PNPLA3: variants seen among roughly 807,000 people sequenced by gnomAD.
PNPLA3 encodes 1-acylglycerol-3-phosphate O-acyltransferase PNPLA3.
In PNPLA3, 42 loss-of-function variants were observed where a neutral mutation model predicts 43.1. The observed-to-expected ratio is 0.97, with a 90% confidence interval of 0.76 to 1.26. The LOEUF is 1.26. Ranked by LOEUF, PNPLA3 falls within the 50% of genes most tolerant of loss-of-function variation. The pLI is 0.00. For synonymous variants in PNPLA3, 272 were observed against 253.6 expected (o/e 1.07, Z -0.69); for missense variants, 647 against 621.4 (o/e 1.04, Z -0.44).
In PNPLA3 at chr22:43,934,619, T is replaced by C; in HGVS notation, c.710T>C (p.Ile237Thr). 6.2e-7 allele frequency: 1 copy of C among 1,613,906 alleles called. No individual in the cohort carries two copies. Among genetic ancestry groups the C allele is most frequent in the Non-Finnish European group, 8.5e-7 (1 of 1,179,796 alleles). ...VPPDLKVLGEICLRGYLDAFR... is the reference protein window; with the variant it reads ...VPPDLKVLGETCLRGYLDAFR... ...CTTTGCTCACAGGTGCTGGGAGAGA[T>C]ATGCCTTCGAGGATATTTGGATGCA... Residue 237 changes from isoleucine (I) to threonine (T), a missense_variant, in exon 5 of 9, where the codon ATA becomes ACA. Ile to Thr is a moderately conservative substitution (Grantham distance 89, BLOSUM62 -1). Coordinates refer to ENST00000216180, the MANE Select transcript of PNPLA3 (RefSeq NM_025225.3).
chr22:43,941,983 T>C (rs1403600664), intron 7 of PNPLA3, among the ~76,000 whole-genome samples: 1 of 152,198 alleles, frequency 6.6e-6, no homozygotes, highest in Non-Finnish European at 1.5e-5. Context: ...GATGTGGCCC[T>C]GGACTTGGCA....
Position 43,925,114 on chromosome 22 carries a change from C to T in PNPLA3, c.187+1016C>T, listed in dbSNP as rs769470120. Among the ~76,000 whole-genome samples, 56 of 151,986 alleles carry T rather than the reference C, an allele frequency of 3.7e-4. 1 individual carries two copies. The highest frequency in any genetic ancestry group is 6.5e-4 in the Admixed American group (10 of 15,270). ...CTCCTCCTCCTCCAGTGTTTGGGAC[C>T]CTTCCTGGGGGCTGGAGTGCATCCC... On this transcript the variant is annotated intron_variant, in intron 1 of 8. Coordinates refer to ENST00000216180, the MANE Select transcript of PNPLA3 (RefSeq NM_025225.3).
intron 3 of PNPLA3, 46 bp downstream of exon 3, chr22:43,928,935 A>G: frequency 1.3e-6 from 2 of 1,543,316 alleles, no homozygotes; most frequent in African/African-American, 2.7e-5. Context: ...GGGCCTCTGA[A>G]GTGTGCTCAC....
At chr22:43,928,158 T>C in intron 2 of PNPLA3, among the ~76,000 whole-genome samples, 1 of 152,230 alleles carries the variant, frequency 6.6e-6, no homozygotes, top group East Asian at 1.9e-4. Flanking sequence ...TTGACAGATC[T>C]GTGCAAGACA....
intron 1 of PNPLA3, 66 bp from the exon 2 acceptor site, chr22:43,926,869 G>A (rs927532458): frequency 1.7e-5 from 24 of 1,408,312 alleles, no homozygotes; most frequent in Non-Finnish European, 2.3e-5. Context: ...CTGGTTTCTG[G>A]CCTTGCCAAA....
chr22:43,945,428 G>A (rs1440628200), intron 8 of PNPLA3, among the ~76,000 whole-genome samples: 1 of 152,190 alleles, frequency 6.6e-6, no homozygotes, highest in East Asian at 1.9e-4. Flanking sequence ...GCGTTATCCT[G>A]AAAATCATAG....
In PNPLA3 at chr22:43,927,106, G is replaced by A; in HGVS notation, c.359G>A (p.Arg120Lys). 1.9e-6 allele frequency: 3 copies of A among 1,614,246 alleles called. No homozygotes were observed. Among genetic ancestry groups the A allele is most frequent in the Non-Finnish European group, 2.5e-6 (3 of 1,180,052 alleles). Residue 120 changes from arginine to lysine, a missense_variant, in exon 2 of 9, where the codon AGA becomes AAA. Physicochemically the swap from Arg to Lys is conservative, Grantham distance 26. Transcript: ENST00000216180. ...GGCAAAATAGGCATCTCTCTTACCA[G>A]AGTGTCTGATGGGGAAAACGTTCTG... Reference protein sequence around the residue: ...ISGKIGISLTRVSDGENVLVS... With the variant: ...ISGKIGISLTKVSDGENVLVS...
chr22:43,934,690 G>T, intron 5 of PNPLA3, 24 bp downstream of exon 5: 1 of 1,594,926 alleles, frequency 6.3e-7, no homozygotes, highest in Non-Finnish European at 8.6e-7. Context: ...GGGAGGATCA[G>T]CCATGCCCTT....
chr22:43,936,510 T>C (rs2049996381), intron 5 of PNPLA3, among the ~76,000 whole-genome samples: 1 of 152,190 alleles, frequency 6.6e-6, no homozygotes, highest in Admixed American at 6.5e-5. Flanking sequence ...CACATACTGG[T>C]GCCCAATCCT....
chr22:43,944,589 A>G lies in PNPLA3; in HGVS notation c.1113-102A>G, dbSNP rs1323902893. On this transcript the variant is annotated intron_variant, in intron 7 of 8. Coordinates refer to ENST00000216180, the MANE Select transcript of PNPLA3 (RefSeq NM_025225.3). ...CAGATCCACCTTCTGGGAAGTCATC[A>G]GATTGGAGGTGATGTTGGCAGCTTT... is the stretch of plus-strand genomic sequence containing the variant. 44 of 891,266 alleles carry G rather than the reference A, an allele frequency of 4.9e-5. No individual in the cohort carries two copies. The East Asian group carries it at 1.1e-3, about 22-fold the overall frequency. 55.2% of individuals were successfully genotyped at this position (891,266 alleles called of 1,614,324 possible). A position where few individuals can be genotyped will look rare whatever the true frequency, so the allele number is the denominator to read the frequency against.
chr22:43,924,627 GC>G (rs2049909551), intron 1 of PNPLA3, among the ~76,000 whole-genome samples: 1 of 152,014 alleles, frequency 6.6e-6, no homozygotes, highest in Non-Finnish European at 1.5e-5. Flanking sequence ...GACACCCCGC[GC>G]CTGCGCTTTT....
intron 3 of PNPLA3, among the ~76,000 whole-genome samples, chr22:43,930,666 T>G (rs988069934): frequency 6.6e-6 from 1 of 152,194 alleles, no homozygotes; most frequent in Non-Finnish European, 1.5e-5. Context: ...GCTGGCAGTG[T>G]TCAGATTTGG....
At chr22:43,944,073 A>C (rs747487784) in intron 7 of PNPLA3, among the ~76,000 whole-genome samples, 8 of 152,098 alleles carry the variant, frequency 5.3e-5, no homozygotes, top group Non-Finnish European at 1.2e-4. Flanking sequence ...GGTGTGAGCC[A>C]CCACACCTGG....
chr22:43,927,171 A>G lies in PNPLA3; in HGVS notation c.420+4A>G. The stretch of plus-strand genomic sequence containing the variant: ...GTCCAAAGACGAAGTCGTGGATGTA[A>G]GCAGTTTGCTTATCTGGACGTTGTC... On this transcript the variant is annotated splice_donor_region_variant and intron_variant, in intron 2 of 8. Transcript: ENST00000216180. 6.2e-7 allele frequency: 1 copy of G among 1,613,210 alleles called. No individual in the cohort carries two copies. Among genetic ancestry groups the G allele is most frequent in the Non-Finnish European group, 8.5e-7 (1 of 1,179,214 alleles).
chr22:43,944,632 G>A, intron 7 of PNPLA3, 59 bp from the exon 8 acceptor site: 1 of 1,384,982 alleles, frequency 7.2e-7, no homozygotes, highest in South Asian at 1.2e-5. Context: ...AAAGGGTAGT[G>A]TTGTAAGCTG....
intron 3 of PNPLA3, among the ~76,000 whole-genome samples, chr22:43,929,584 A>AT (rs1263627553): frequency 6.8e-6 from 1 of 147,494 alleles, no homozygotes; most frequent in African/African-American, 2.5e-5. Context: ...TCATATATAT[A>AT]TATTTTTTTC....
In PNPLA3 at chr22:43,947,096, C is replaced by T. The variant is rs1357260853; in HGVS notation, c.*714C>T. On this transcript the variant is annotated 3_prime_UTR_variant, in exon 9 of 9. Transcript: ENST00000216180. Reference sequence around the variant, plus strand: ...AAAATCGGTTGGGTGCAGTGGCACACGGCTGTAATCCCAGCACTTTGGGAG... The same window carrying T: ...AAAATCGGTTGGGTGCAGTGGCACATGGCTGTAATCCCAGCACTTTGGGAG... 6 of 203,932 alleles carry T rather than the reference C, an allele frequency of 2.9e-5. No individual in the cohort carries two copies. The highest frequency in any genetic ancestry group is 1.6e-4 in the East Asian group (1 of 6,420). The allele number at this position is 203,932 out of a possible 1,614,324, so 12.6% of individuals were successfully genotyped here. A position where few individuals can be genotyped will look rare whatever the true frequency, so the allele number is the denominator to read the frequency against.
chr22:43,926,857 G>C (rs1314081868), intron 1 of PNPLA3, 78 bp from the exon 2 acceptor site: 1 of 1,239,116 alleles, frequency 8.1e-7, no homozygotes. Flanking sequence ...CATCCTTGCT[G>C]TCTGGTTTCT....
At chr22:43,931,821 T>A (rs985577925) in intron 3 of PNPLA3, among the ~76,000 whole-genome samples, 1 of 152,200 alleles carries the variant, frequency 6.6e-6, no homozygotes, top group African/African-American at 2.4e-5. Flanking sequence ...CAGCTCCTAG[T>A]GAGGTTTTTG....
Sources: gnomAD v4.1 joint callset for allele counts (sites outside exome capture counted in the v4.1 genomes callset) on GRCh38, gnomAD v4.1.1 for gene constraint, MANE v1.5 for transcripts, NCBI Gene and HGNC (gene_info 2026-07-23, HGNC 2026-07-21) for gene names.